The following PTPRT variants were observed in gnomAD, a reference collection of about 807,000 sequenced individuals.
PTPRT encodes protein tyrosine phosphatase receptor type T.
A neutral mutation model predicts 176.8 loss-of-function variants in PTPRT; 56 were observed. That is an observed-to-expected ratio of 0.32 (90% confidence interval 0.26 to 0.40). PTPRT has a LOEUF of 0.40. Among genes scored for constraint, PTPRT ranks in the 10% least tolerant of loss-of-function variants. The pLI is 1.00. For missense variants in PTPRT, 1,540 were observed against 1,908.2 expected (o/e 0.81, Z 3.60); for synonymous variants, 783 against 739.0 (o/e 1.06, Z -0.96).
intron 9 of PTPRT, among the ~76,000 whole-genome samples, chr20:42,430,363 G>A (rs1202145745): frequency 6.6e-6 from 1 of 152,338 alleles, no homozygotes; most frequent in Middle Eastern, 3.4e-3. Flanking sequence ...ACTTCAACGT[G>A]CACAGTGACA....
intron 7 of PTPRT, among the ~76,000 whole-genome samples, chr20:42,576,951 T>C (rs1464156928): frequency 6.6e-6 from 1 of 152,132 alleles, no homozygotes; most frequent in Non-Finnish European, 1.5e-5. Context: ...TCCATTTTGA[T>C]ACAGTGTGGC....
intron 11 of PTPRT, among the ~76,000 whole-genome samples, chr20:42,326,010 T>G (rs893441124): frequency 2.0e-5 from 3 of 152,230 alleles, no homozygotes; most frequent in African/African-American, 4.8e-5. Flanking sequence ...CAGGGAAGTC[T>G]GTCCTGACCA....
intron 16 of PTPRT, among the ~76,000 whole-genome samples, chr20:42,182,010 T>C (rs1438318200): frequency 2.0e-5 from 3 of 152,016 alleles, no homozygotes; most frequent in Non-Finnish European, 4.4e-5. Context: ...CAGTGAAATA[T>C]AGAGTGGAAG....
At chr20:42,905,527 G>C (rs2079463865) in intron 1 of PTPRT, among the ~76,000 whole-genome samples, 1 of 152,158 alleles carries the variant, frequency 6.6e-6, no homozygotes, top group African/African-American at 2.4e-5. Context: ...CAAGGATCTA[G>C]AACTAGAAAT....
At chr20:42,838,838 G>A (rs527369977) in intron 2 of PTPRT, among the ~76,000 whole-genome samples, 9 of 152,204 alleles carry the variant, frequency 5.9e-5, no homozygotes, top group Non-Finnish European at 8.8e-5. Flanking sequence ...CCGCCCAGCC[G>A]TGTCCCCCGC....
intron 7 of PTPRT, among the ~76,000 whole-genome samples, chr20:42,654,003 A>G (rs2075078145): frequency 6.6e-6 from 1 of 152,152 alleles, no homozygotes; most frequent in Admixed American, 6.5e-5. Flanking sequence ...AAATCTCCTG[A>G]CCACAAAGTA....
chr20:42,238,009 GA>G (rs539035484), intron 14 of PTPRT, among the ~76,000 whole-genome samples: 3 of 152,258 alleles, frequency 2.0e-5, no homozygotes, highest in African/African-American at 7.2e-5. Context: ...TCTCAAGTAG[GA>G]AATATCCAAA....
chr20:42,845,289 T>A (rs1196531268), intron 2 of PTPRT, among the ~76,000 whole-genome samples: 3 of 34,198 alleles, frequency 8.8e-5, no homozygotes, highest in Non-Finnish European at 3.9e-4. Context: ...AATGGCCAAG[T>A]CACTTCTCCT....
rs1266384680 is a variant in PTPRT, at chr20:42,900,058, A to G, written c.89-14126T>C. On this transcript the variant is annotated intron_variant, in intron 1 of 30. Transcript: ENST00000373187. The stretch of plus-strand genomic sequence containing the variant: ...GCAAGATGAAACCAAGAGTTAAATA[A>G]CATCACCCAAATATCACAGCTGGGA... Among the ~76,000 whole-genome samples, 7 of 152,328 alleles carry G rather than the reference A, an allele frequency of 4.6e-5. No homozygotes were observed. In the East Asian group the frequency reaches 1.4e-3, roughly 29 times the overall value.
chr20:42,565,204 AC>A, intron 7 of PTPRT, among the ~76,000 whole-genome samples: 1 of 152,158 alleles, frequency 6.6e-6, no homozygotes, highest in Admixed American at 6.5e-5. Context: ...CTCACAGCCC[AC>A]CCACCTGGAA....
At chr20:43,148,619 G>A (rs572592442) in intron 1 of PTPRT, among the ~76,000 whole-genome samples, 1 of 152,276 alleles carries the variant, frequency 6.6e-6, no homozygotes, top group Non-Finnish European at 1.5e-5. Flanking sequence ...TAAAAGAAGA[G>A]GTGTTCCCAT....
At chr20:42,366,426 T>C (rs181686854) in intron 9 of PTPRT, among the ~76,000 whole-genome samples, 40 of 152,356 alleles carry the variant, frequency 2.6e-4, no homozygotes, top group Non-Finnish European at 4.9e-4. Flanking sequence ...TTCTGGCACT[T>C]GCTTCGCTTC....
At chr20:42,913,008 C>T (rs1399175605) in intron 1 of PTPRT, among the ~76,000 whole-genome samples, 2 of 152,072 alleles carry the variant, frequency 1.3e-5, no homozygotes, top group Non-Finnish European at 2.9e-5. Context: ...CTACGGATGG[C>T]CTTGGGAAAG....
In PTPRT at chr20:43,008,611, C is replaced by G. The variant is rs528687701; in HGVS notation, c.89-122679G>C. Among the ~76,000 whole-genome samples the G allele has an allele frequency of 7.9e-5, 12 of 152,194 alleles. No individual in the cohort carries two copies. In the South Asian group the frequency reaches 2.1e-3, roughly 26 times the overall value. On this transcript the variant is annotated intron_variant, in intron 1 of 30. Coordinates refer to ENST00000373187, the MANE Select transcript of PTPRT (RefSeq NM_007050.6). ...GGGTCTGAGGTGGAGGCATCACTTG[C>G]ATCCGGGAGATGGAGGTTGCAGTGA... is the stretch of plus-strand genomic sequence containing the variant.
chr20:42,322,889 C>A (rs2057821747), intron 11 of PTPRT, among the ~76,000 whole-genome samples: 1 of 151,996 alleles, frequency 6.6e-6, no homozygotes. Context: ...CCAGAATCTA[C>A]AATGAACTCA....
chr20:42,842,936 C>T (rs547465218), intron 2 of PTPRT, among the ~76,000 whole-genome samples: 7 of 152,146 alleles, frequency 4.6e-5, no homozygotes, highest in Non-Finnish European at 1.0e-4. Context: ...CCTAAAAGCC[C>T]CGCTTCTTAA....
chr20:42,166,117 C>T (rs565731656), intron 16 of PTPRT, among the ~76,000 whole-genome samples: 1 of 152,308 alleles, frequency 6.6e-6, no homozygotes, highest in South Asian at 2.1e-4. Flanking sequence ...ATTCAACAGA[C>T]ACTGGTAAAT....
Position 42,495,299 on chromosome 20 carries a change from C to T in PTPRT, c.1154-22737G>A, listed in dbSNP as rs181026639. Among the ~76,000 whole-genome samples the T allele has an allele frequency of 4.5e-4, 69 of 152,310 alleles. No individual in the cohort carries two copies. The East Asian group carries it at 8.7e-3, about 19-fold the overall frequency. On this transcript the variant is annotated intron_variant, in intron 7 of 30. Coordinates refer to ENST00000373187, the MANE Select transcript of PTPRT (RefSeq NM_007050.6). ...TGGGTAAGCTGTGGTAGGTTCAGCA[C>T]TTTAACTGGGCACCTAGCCCTCTAC... is the stretch of plus-strand genomic sequence containing the variant.
chr20:42,577,687 C>T (rs1199496840), intron 7 of PTPRT, among the ~76,000 whole-genome samples: 1 of 152,086 alleles, frequency 6.6e-6, no homozygotes, highest in Non-Finnish European at 1.5e-5. Flanking sequence ...GTCAGGGCTA[C>T]CCAGACTACC....
Sources: gnomAD v4.1 joint callset for allele counts (sites outside exome capture counted in the v4.1 genomes callset) on GRCh38, gnomAD v4.1.1 for gene constraint, MANE v1.5 for transcripts, NCBI Gene and HGNC (gene_info 2026-07-23, HGNC 2026-07-21) for gene names.